SHROOM3: variants seen among roughly 807,000 people sequenced by gnomAD.
The protein encoded by SHROOM3 is shroom family member 3, also known as protein Shroom3.
In SHROOM3, 47 loss-of-function variants were observed where a neutral mutation model predicts 138.6. The observed-to-expected ratio is 0.34, with a 90% CI of 0.27 to 0.43. The LOEUF is 0.43. Ranked by LOEUF, SHROOM3 falls within the 20% of genes least tolerant of loss-of-function variation. SHROOM3 has a pLI of 1.00. For synonymous variants in SHROOM3, 1,062 were observed against 1,063.3 expected (o/e 1.00, Z 0.02); for missense variants, 2,491 against 2,596.5 (o/e 0.96, Z 0.88).
intron 3 of SHROOM3, among the ~76,000 whole-genome samples, chr4:76,719,983 A>C (rs922783876): frequency 3.3e-5 from 5 of 152,186 alleles, no homozygotes; most frequent in African/African-American, 1.2e-4. Flanking sequence ...TCCCCAGGAC[A>C]TATTATCAGG....
chr4:76,689,026 T>G, intron 2 of SHROOM3: 3 of 744,062 alleles, frequency 4.0e-6, no homozygotes, highest in African/African-American at 1.9e-5. Flanking sequence ...TTTGATCAAT[T>G]ACTAACTGTA....
intron 1 of SHROOM3, among the ~76,000 whole-genome samples, chr4:76,536,292 G>A (rs1205627728): frequency 6.6e-6 from 1 of 152,224 alleles, no homozygotes; most frequent in Non-Finnish European, 1.5e-5. Flanking sequence ...AGTCTTGGAT[G>A]ATGGGTTGAG....
chr4:76,762,162 C>T, intron 9 of SHROOM3, among the ~76,000 whole-genome samples: 1 of 151,922 alleles, frequency 6.6e-6, no homozygotes, highest in Admixed American at 6.5e-5. Context: ...ACCCTTTTTT[C>T]TTAATAAAAT....
chr4:76,469,023 G>T (rs140374597), intron 1 of SHROOM3, among the ~76,000 whole-genome samples: 4 of 144,828 alleles, frequency 2.8e-5, no homozygotes, highest in African/African-American at 1.0e-4. Flanking sequence ...GACAGAGCGA[G>T]ATTCCATCTC....
intron 2 of SHROOM3, among the ~76,000 whole-genome samples, chr4:76,660,463 T>C (rs1029002652): frequency 6.6e-6 from 1 of 152,234 alleles, no homozygotes; most frequent in South Asian, 2.1e-4. Flanking sequence ...GGTTGCATTA[T>C]TTTTTATATT....
chr4:76,548,698 T>A (rs1252070301), intron 1 of SHROOM3, among the ~76,000 whole-genome samples: 1 of 152,206 alleles, frequency 6.6e-6, no homozygotes, highest in African/African-American at 2.4e-5. Flanking sequence ...CTGTAAACAA[T>A]TAAAAAATCA....
intron 2 of SHROOM3, among the ~76,000 whole-genome samples, chr4:76,598,027 T>C (rs1734424903): frequency 6.4e-4 from 2 of 3,134 alleles, no homozygotes; most frequent in African/African-American, 1.1e-3. Flanking sequence ...AATCTATGAC[T>C]TTTTTTTTTT....
intron 1 of SHROOM3, among the ~76,000 whole-genome samples, chr4:76,493,784 G>A (rs1032754274): frequency 6.6e-6 from 1 of 152,190 alleles, no homozygotes; most frequent in African/African-American, 2.4e-5. Context: ...TTCGAGACCA[G>A]CCTGGCCAAC....
At chr4:76,633,332 CAAAAAA>C (rs56002974) in intron 2 of SHROOM3, among the ~76,000 whole-genome samples, 4 of 83,858 alleles carry the variant, frequency 4.8e-5, no homozygotes, top group East Asian at 3.2e-4. Context: ...GACTCAGTCT[CAAAAAA>C]AAAAAAAAAA....
At chr4:76,723,295 T>C (rs1720604221) in intron 3 of SHROOM3, among the ~76,000 whole-genome samples, 2 of 152,166 alleles carry the variant, frequency 1.3e-5, no homozygotes, top group Admixed American at 6.5e-5. Context: ...CCATCTGCTC[T>C]TCACTCACAA....
rs375423200 is a variant in SHROOM3, at chr4:76,668,618, G to A, written c.324-41538G>A. ...ACAAACAAATGAAAAAAACTAAGAG[G>A]CATACATCACTTAGTAAACTAATGA... On this transcript the variant is annotated intron_variant, in intron 2 of 10. Transcript: ENST00000296043. 4.6e-5 allele frequency among the ~76,000 whole-genome samples: 7 copies of A among 152,154 alleles called. No individual in the cohort carries two copies. The East Asian group carries it at 7.7e-4, about 17-fold the overall frequency.
At chr4:76,670,259 T>C (rs893719493) in intron 2 of SHROOM3, among the ~76,000 whole-genome samples, 2 of 152,182 alleles carry the variant, frequency 1.3e-5, no homozygotes, top group Non-Finnish European at 2.9e-5. Flanking sequence ...TATTCTACAA[T>C]AAACAGGAAT....
chr4:76,723,227 T>G (rs1488253831), intron 3 of SHROOM3, among the ~76,000 whole-genome samples: 1 of 152,226 alleles, frequency 6.6e-6, no homozygotes, highest in African/African-American at 2.4e-5. Context: ...TCATGTGAGC[T>G]TTTTGTATCC....
chr4:76,723,362 A>G (rs570379272), intron 3 of SHROOM3, among the ~76,000 whole-genome samples: 1 of 152,150 alleles, frequency 6.6e-6, no homozygotes, highest in East Asian at 1.9e-4. Context: ...CCTCCTCTCA[A>G]GGATTTTGCA....
chr4:76,758,716 T>C (rs1234359549), intron 8 of SHROOM3: 1 of 152,182 alleles, frequency 6.6e-6, no homozygotes, highest in African/African-American at 2.4e-5. Context: ...GTAAAGATGA[T>C]TTTTTGTGTG....
At chr4:76,574,820 G>T (rs1345869408) in intron 2 of SHROOM3, among the ~76,000 whole-genome samples, 1 of 152,166 alleles carries the variant, frequency 6.6e-6, no homozygotes, top group African/African-American at 2.4e-5. Context: ...CACAGGTTGG[G>T]GGAGGGGAGA....
At chr4:76,624,116 A>C (rs555716393) in intron 2 of SHROOM3, among the ~76,000 whole-genome samples, 1 of 152,334 alleles carries the variant, frequency 6.6e-6, no homozygotes, top group East Asian at 1.9e-4. Context: ...AGTTACCTAT[A>C]GTGTTTTTAA....
At chr4:76,654,934 A>C (rs1186032157) in intron 2 of SHROOM3, among the ~76,000 whole-genome samples, 1 of 152,192 alleles carries the variant, frequency 6.6e-6, no homozygotes, top group East Asian at 1.9e-4. Flanking sequence ...AGGATTTGAG[A>C]TCTATTTGAC....
At chr4:76,696,644 T>C (rs1236126134) in intron 2 of SHROOM3, among the ~76,000 whole-genome samples, 1 of 152,154 alleles carries the variant, frequency 6.6e-6, no homozygotes, top group Non-Finnish European at 1.5e-5. Flanking sequence ...CACCCTTCCA[T>C]GTGTGAATGC....
Sources: gnomAD v4.1 joint callset for allele counts (sites outside exome capture counted in the v4.1 genomes callset) on GRCh38, gnomAD v4.1.1 for gene constraint, MANE v1.5 for transcripts, NCBI Gene and HGNC (gene_info 2026-07-23, HGNC 2026-07-21) for gene names.